The following KCNK10 variants were observed in gnomAD, a reference collection of about 807,000 sequenced individuals.
KCNK10 encodes the protein potassium two pore domain channel subfamily K member 10, also known as potassium channel subfamily K member 10.
KCNK10 carries 25 observed loss-of-function variants against 47.7 expected under a neutral mutation model. The observed-to-expected ratio is 0.52, with a 90% CI of 0.38 to 0.73. The LOEUF (loss-of-function observed/expected upper bound fraction) is 0.73, where lower values mean the gene tolerates loss of function less well. Ranked by LOEUF, KCNK10 falls within the 30% of genes least tolerant of loss-of-function variation. The pLI, the probability that KCNK10 is intolerant of heterozygous loss-of-function variation, is 0.00. For missense variants in KCNK10, 563 were observed against 714.5 expected, an observed-to-expected ratio of 0.79 and a Z score of 2.42; for synonymous variants, 303 against 285.6, an observed-to-expected ratio of 1.06 and a Z score of -0.61.
chr14:88,325,375 T>C (rs1013168391), upstream of KCNK10, among the ~76,000 whole-genome samples: 3 of 152,202 alleles, frequency 2.0e-5, no homozygotes, highest in South Asian at 2.1e-4. Flanking sequence ...GGAGGCAAGA[T>C]TGACATTTAC....
At chr14:88,319,156 A>T (rs1468874310) in intron 1 of KCNK10, among the ~76,000 whole-genome samples, 1 of 152,196 alleles carries the variant, frequency 6.6e-6, no homozygotes, top group East Asian at 1.9e-4. Flanking sequence ...ATAGCTCACC[A>T]GAGATGAACC....
At chr14:88,264,735 T>A (rs1307400225) in intron 1 of KCNK10, among the ~76,000 whole-genome samples, 1 of 152,224 alleles carries the variant, frequency 6.6e-6, no homozygotes, top group Non-Finnish European at 1.5e-5. Context: ...AATCACTCCA[T>A]GTTAAATTTC....
intron 1 of KCNK10, among the ~76,000 whole-genome samples, chr14:88,305,200 GA>G (rs979180200): frequency 6.2e-5 from 9 of 146,084 alleles, no homozygotes; most frequent in Admixed American, 2.1e-4. Context: ...CCCTAAGCTC[GA>G]AAAAAAAAAG....
rs11848513 is a variant in KCNK10 at position 88,180,424 on chromosome 14, G to A, written c.*5111C>T. On this transcript the variant is annotated 3_prime_UTR_variant, in exon 7 of 7. Coordinates refer to ENST00000319231, the MANE Select transcript of KCNK10 (RefSeq NM_138317.3). ...AAGGAGGCCAGAGGCTGGCATGTGA[G>A]GTGGTTTGCATATCACTTCTAGGCA... 0.021 allele frequency: 3,718 copies of A among 176,772 alleles called. 145 individuals carry two copies. Among genetic ancestry groups the A allele is most frequent in the African/African-American group, 0.083 (3,548 of 42,564 alleles). 11.0% of individuals were successfully genotyped at this position (176,772 alleles called of 1,614,324 possible).
intron 1 of KCNK10, among the ~76,000 whole-genome samples, chr14:88,275,093 C>T (rs1887498526): frequency 6.6e-6 from 1 of 152,156 alleles, no homozygotes; most frequent in South Asian, 2.1e-4. Flanking sequence ...CTCCTGATAC[C>T]TGGGCTTTCC....
Position 88,185,980 on chromosome 14 carries a change from A to G in KCNK10, c.1187T>C (p.Met396Thr), listed in dbSNP as rs372742660. The G allele has an allele frequency of 2.5e-6, 4 of 1,613,418 alleles. No homozygotes were observed. The highest frequency in any genetic ancestry group is 1.3e-5 in the African/African-American group (1 of 74,860). ...GACAGAGCGCTTCTCGGGGGACAGC[A>G]TGTCCAGTGAGTGGGCCCGCTGGTC... Reference protein sequence around the residue: ...GLDQRAHSLDMLSPEKRSVFA... With the variant: ...GLDQRAHSLDTLSPEKRSVFA... Residue 396 changes from methionine to threonine, a missense_variant, in exon 7 of 7, where the codon ATG becomes ACG. By Grantham distance (81) the Met-to-Thr change is moderately conservative (BLOSUM62 -1). Transcript: ENST00000319231. This position sits in a 1 kb window ranked among gnomAD's most constrained non-coding sequence, Gnocchi z 4.3.
chr14:88,270,643 C>T, intron 1 of KCNK10: 2 of 770,916 alleles, frequency 2.6e-6, no homozygotes, highest in Non-Finnish European at 4.8e-6. Flanking sequence ...GAAAACAAGG[C>T]AGACTGGGGG....
chr14:88,180,873 A>C lies in KCNK10; in HGVS notation c.*4662T>G, dbSNP rs1884322955. ...CTGTTCCAAAGTTTCCCTATGCAGAATTAACAGCATCCACAATGCCACACT... is the reference window on the plus strand; with the variant it reads ...CTGTTCCAAAGTTTCCCTATGCAGACTTAACAGCATCCACAATGCCACACT... On this transcript the variant is annotated 3_prime_UTR_variant, in exon 7 of 7. Coordinates refer to ENST00000319231, the MANE Select transcript of KCNK10 (RefSeq NM_138317.3). The C allele has an allele frequency of 2.5e-6, 1 of 398,624 alleles. No individual in the cohort carries two copies. Among genetic ancestry groups the C allele is most frequent in the African/African-American group, 2.1e-5 (1 of 48,630 alleles). 24.7% of individuals were successfully genotyped at this position (398,624 alleles called of 1,614,324 possible). A position where few individuals can be genotyped will look rare whatever the true frequency, so the allele number is the denominator to read the frequency against.
chr14:88,202,454 A>T (rs1307652654), intron 4 of KCNK10, among the ~76,000 whole-genome samples: 1 of 152,218 alleles, frequency 6.6e-6, no homozygotes. Context: ...ATGAGGAGAC[A>T]AGCATGTGAC....
In KCNK10 at chr14:88,281,751, T is replaced by TAC. The variant is rs1555364497; in HGVS notation, c.53-18202_53-18201dup. 5.0e-4 allele frequency among the ~76,000 whole-genome samples: 69 copies of TAC among 138,194 alleles called. 1 individual carries two copies. The highest frequency in any genetic ancestry group is 1.4e-3 in the African/African-American group (53 of 38,812). The allele number at this position is 138,194 out of a possible 152,430, so 90.7% of individuals were successfully genotyped here. On this transcript the variant is annotated intron_variant, in intron 1 of 6. Transcript: ENST00000319231. Reference sequence around the variant, plus strand: ...CCATATATATATATATATATATATATACACATACACACACACACATACATA... The same window carrying TAC: ...CCATATATATATATATATATATATATACACACATACACACACACACATACATA...
rs929842905 is a variant in KCNK10, at chr14:88,207,395, C to T, written c.682-14985G>A. On this transcript the variant is annotated intron_variant, in intron 4 of 6. Transcript: ENST00000319231. Reference sequence around the variant, plus strand: ...TTCACCATGTTAGCCAGGATGGTCTCGATCTCCTGACCTCATGATCCGCCC... The same window carrying T: ...TTCACCATGTTAGCCAGGATGGTCTTGATCTCCTGACCTCATGATCCGCCC... 4.6e-5 allele frequency among the ~76,000 whole-genome samples: 7 copies of T among 151,948 alleles called. No individual in the cohort carries two copies. In the East Asian group the frequency reaches 7.7e-4, roughly 17 times the overall value.
chr14:88,244,667 C>CA (rs1332345122), intron 2 of KCNK10, among the ~76,000 whole-genome samples: 159 of 137,760 alleles, frequency 1.2e-3, no homozygotes, highest in African/African-American at 2.9e-3. Context: ...GACTCTGTCT[C>CA]AAAAAAAAAA....
chr14:88,192,083 T>A, intron 5 of KCNK10, 141 bp downstream of exon 5: 1 of 744,090 alleles, frequency 1.3e-6, no homozygotes, highest in Non-Finnish European at 2.1e-6. Context: ...GGATTTGAAA[T>A]GAGCCTCTTC....
intron 4 of KCNK10, among the ~76,000 whole-genome samples, chr14:88,221,714 G>A (rs1270005624): frequency 6.6e-6 from 1 of 152,176 alleles, no homozygotes; most frequent in Non-Finnish European, 1.5e-5. Context: ...AACTAAAGGA[G>A]TTGAAAACTA....
At chr14:88,279,411 T>C (rs1387355109) in intron 1 of KCNK10, among the ~76,000 whole-genome samples, 1 of 116,714 alleles carries the variant, frequency 8.6e-6, no homozygotes, top group East Asian at 2.3e-4. Flanking sequence ...GTGTGTGTGT[T>C]ACAATGCACA....
At chr14:88,221,238 G>A (rs141763641) in intron 4 of KCNK10, among the ~76,000 whole-genome samples, 1,878 of 151,586 alleles carry the variant, frequency 0.012, 45 homozygotes, top group African/African-American at 0.044. Flanking sequence ...GGAGGCAGAG[G>A]TTGCAGTGAG....
At chr14:88,262,390 G>A (rs1887135115) in intron 2 of KCNK10, among the ~76,000 whole-genome samples, 1 of 152,138 alleles carries the variant, frequency 6.6e-6, no homozygotes, top group African/African-American at 2.4e-5. Flanking sequence ...CGTGGGAACT[G>A]CTTTTCTCTC....
intron 4 of KCNK10, among the ~76,000 whole-genome samples, chr14:88,198,437 G>T (rs1185321165): frequency 6.6e-6 from 1 of 152,162 alleles, no homozygotes; most frequent in Non-Finnish European, 1.5e-5. Flanking sequence ...GCAGCATGAT[G>T]AACAATGCCT....
chr14:88,310,174 GGTATATGATATACCATATC>G (rs1224758652), intron 1 of KCNK10, among the ~76,000 whole-genome samples: 7 of 121,736 alleles, frequency 5.8e-5, no homozygotes, highest in South Asian at 4.9e-4. Flanking sequence ...CATATCATAT[GGTATATGATATACCATATC>G]ATATGGTATA....
Sources: allele counts gnomAD v4.1 joint callset (sites outside exome capture counted in the v4.1 genomes callset), GRCh38; gene constraint gnomAD v4.1.1; non-coding constraint Gnocchi (gnomAD v3.1); transcripts MANE v1.5; gene names NCBI Gene and HGNC (gene_info 2026-07-23, HGNC 2026-07-21).